The following ANK3 variants were observed in gnomAD, a reference collection of about 807,000 sequenced individuals.
ANK3 encodes ankyrin 3, also known as ankyrin-3.
In ANK3, 57 loss-of-function variants were observed where a neutral mutation model predicts 370.9. The observed-to-expected ratio is 0.15, with a 90% confidence interval of 0.12 to 0.19. The LOEUF (loss-of-function observed/expected upper bound fraction) is 0.19, where lower values mean the gene tolerates loss of function less well. ANK3 is among the 10% of genes least tolerant of loss of function. The pLI is 1.00. For synonymous variants in ANK3, 1,929 were observed against 1,946.3 expected (o/e 0.99, Z 0.23); for missense variants, 4,439 against 5,302.1 (o/e 0.84, Z 5.06).
intron 8 of ANK3, among the ~76,000 whole-genome samples, chr10:60,226,488 T>C (rs1221489973): frequency 5.6e-5 from 5 of 89,592 alleles, no homozygotes; most frequent in South Asian, 2.9e-4. Context: ...ACTATATATA[T>C]ACATATACTA....
chr10:60,086,698 G>T lies in ANK3; in HGVS notation c.3727C>A (p.Arg1243Ser). Residue 1243 changes from arginine to serine, a missense_variant, in exon 30 of 44, where the codon CGT becomes AGT. Physicochemically the swap from Arg to Ser is moderately radical, Grantham distance 110. Transcript: ENST00000280772. ...GYKGDTTPNLRLLCSITGGTS... is the reference protein window; with the variant it reads ...GYKGDTTPNLSLLCSITGGTS... ...AAACCTGTAATGCTACAGAGAAGAC[G>T]CAGATTGGGTGTAGTGTCCCCTTTG... is the stretch of plus-strand genomic sequence containing the variant. The T allele has an allele frequency of 1.2e-6, 2 of 1,613,788 alleles. No homozygotes were observed. The highest frequency in any genetic ancestry group is 1.1e-5 in the South Asian group (1 of 91,018).
chr10:60,144,414 G>A (rs16914801), intron 23 of ANK3, among the ~76,000 whole-genome samples: 9,755 of 152,164 alleles, frequency 0.064, 965 homozygotes, highest in African/African-American at 0.21. Flanking sequence ...GATGCATTTC[G>A]AAACTTTTAT....
intron 4 of ANK3, among the ~76,000 whole-genome samples, chr10:60,275,544 C>G (rs771899913): frequency 1.3e-5 from 2 of 151,974 alleles, no homozygotes; most frequent in Non-Finnish European, 2.9e-5. Flanking sequence ...GATTCATATA[C>G]GTTACTAATT....
At chr10:60,646,942 C>G (rs1039948098) in intron 1 of ANK3, among the ~76,000 whole-genome samples, 1 of 152,070 alleles carries the variant, frequency 6.6e-6, no homozygotes, top group African/African-American at 2.4e-5. Context: ...TTCTATGTAG[C>G]ATGGTCATTG....
intron 2 of ANK3, among the ~76,000 whole-genome samples, chr10:60,444,216 T>C (rs1188928489): frequency 3.3e-5 from 5 of 152,042 alleles, no homozygotes; most frequent in Non-Finnish European, 7.4e-5. Context: ...CAACTGATTA[T>C]GGTATCAGAA....
intron 1 of ANK3, among the ~76,000 whole-genome samples, chr10:60,334,677 G>A (rs939315235): frequency 2.0e-5 from 3 of 152,120 alleles, no homozygotes; most frequent in Non-Finnish European, 4.4e-5. Context: ...TTATGATGCA[G>A]TAAAATTTTT....
At chr10:60,470,576 A>C (rs1171709339) in intron 2 of ANK3, among the ~76,000 whole-genome samples, 1 of 152,158 alleles carries the variant, frequency 6.6e-6, no homozygotes, top group Non-Finnish European at 1.5e-5. Flanking sequence ...GAGGTGGTTC[A>C]GATATCAGGC....
intron 28 of ANK3, among the ~76,000 whole-genome samples, chr10:60,101,658 T>C (rs2091279278): frequency 6.6e-6 from 1 of 152,318 alleles, no homozygotes; most frequent in East Asian, 1.9e-4. Context: ...AGACCAACTG[T>C]CCTTTCTGTG....
intron 2 of ANK3, among the ~76,000 whole-genome samples, chr10:60,516,924 G>A (rs149541164): frequency 1.2e-3 from 182 of 152,080 alleles, no homozygotes; most frequent in Middle Eastern, 0.01. Context: ...CTCCTTGATC[G>A]TTGCAGACTA....
At chr10:60,534,927 C>A (rs2076689198) in intron 2 of ANK3, among the ~76,000 whole-genome samples, 1 of 152,114 alleles carries the variant, frequency 6.6e-6, no homozygotes, top group Non-Finnish European at 1.5e-5. Flanking sequence ...AAATCCCCAG[C>A]AGGATCACCT....
chr10:60,274,721 C>G (rs2098059063), intron 4 of ANK3, among the ~76,000 whole-genome samples: 2 of 152,184 alleles, frequency 1.3e-5, no homozygotes, highest in African/African-American at 4.8e-5. Context: ...CTGAAAGATT[C>G]TTTAGCTTTC....
intron 2 of ANK3, among the ~76,000 whole-genome samples, chr10:60,603,703 G>A (rs2078094641): frequency 6.6e-6 from 1 of 152,084 alleles, no homozygotes; most frequent in Non-Finnish European, 1.5e-5. Flanking sequence ...GGAATTACAA[G>A]CTATTAGTTC....
chr10:60,178,483 A>G (rs1256557255), intron 18 of ANK3, among the ~76,000 whole-genome samples: 2 of 152,228 alleles, frequency 1.3e-5, no homozygotes, highest in African/African-American at 4.8e-5. Flanking sequence ...AAAAGCACTT[A>G]GAATAGTACC....
At chr10:60,191,525 T>C (rs1565576000) in intron 16 of ANK3, among the ~76,000 whole-genome samples, 1 of 152,050 alleles carries the variant, frequency 6.6e-6, no homozygotes, top group East Asian at 1.9e-4. Context: ...AAACCACAAT[T>C]AGATACCATC....
chr10:60,576,638 C>T (rs2077686250), intron 2 of ANK3, among the ~76,000 whole-genome samples: 1 of 152,232 alleles, frequency 6.6e-6, no homozygotes, highest in Admixed American at 6.5e-5. Flanking sequence ...GTAATTTACA[C>T]TGCTAGTTGG....
intron 2 of ANK3, among the ~76,000 whole-genome samples, chr10:60,607,485 C>T (rs2078143790): frequency 6.6e-6 from 1 of 152,110 alleles, no homozygotes; most frequent in African/African-American, 2.4e-5. Context: ...GGCTGCCTAT[C>T]GAATCCTGGA....
At chr10:60,432,396 C>G (rs1042885895) in intron 2 of ANK3, among the ~76,000 whole-genome samples, 14 of 152,162 alleles carry the variant, frequency 9.2e-5, no homozygotes, top group Admixed American at 2.6e-4. Flanking sequence ...AAGGTATTCT[C>G]TGAAGGACAT....
Position 60,027,116 on chromosome 10 carries a change from T to G in ANK3, c.*2730A>C, listed in dbSNP as rs1182785643. On this transcript the variant is annotated 3_prime_UTR_variant, in exon 44 of 44. Transcript: ENST00000280772. ...TCACATATACCTAAAGTCAAATTTT[T>G]GGGCATATAAACACAACTATTTAAT... The G allele has an allele frequency of 2.0e-5, 3 of 152,056 alleles. No individual in the cohort carries two copies. The highest frequency in any genetic ancestry group is 7.2e-5 in the African/African-American group (3 of 41,416). The allele number at this position is 152,056 out of a possible 1,614,324, so 9.4% of individuals were successfully genotyped here. A position where few individuals can be genotyped will look rare whatever the true frequency, so the allele number is the denominator to read the frequency against.
intron 1 of ANK3, among the ~76,000 whole-genome samples, chr10:60,367,785 C>T (rs1265659651): frequency 1.3e-5 from 2 of 152,154 alleles, no homozygotes; most frequent in African/African-American, 2.4e-5. Flanking sequence ...GTATAAAAGG[C>T]GAGCTTTCTC....
Sources: gnomAD v4.1 joint callset for allele counts (sites outside exome capture counted in the v4.1 genomes callset) on GRCh38, gnomAD v4.1.1 for gene constraint, MANE v1.5 for transcripts, NCBI Gene and HGNC (gene_info 2026-07-23, HGNC 2026-07-21) for gene names.